The following OPN3 variants were observed in gnomAD, a reference collection of about 807,000 sequenced individuals.
OPN3 encodes the protein opsin-3.
OPN3 carries 29 observed loss-of-function variants against 33.8 expected under a neutral mutation model. The observed-to-expected ratio is 0.86, with a 90% CI of 0.64 to 1.17. The LOEUF is 1.17. OPN3 is among the 50% of genes most tolerant of loss of function. The pLI is 0.00. For synonymous variants in OPN3, 216 were observed against 216.1 expected, an observed-to-expected ratio of 1.00 and a Z score of 0.00; for missense variants, 437 against 514.1, an observed-to-expected ratio of 0.85 and a Z score of 1.45.
At chr1:241,627,593 A>G (rs574204177) in intron 1 of OPN3, among the ~76,000 whole-genome samples, 189 of 152,342 alleles carry the variant, frequency 1.2e-3, no homozygotes, top group African/African-American at 4.2e-3. Flanking sequence ...CTGTTGTCAT[A>G]TATTTTTGTT....
intron 1 of OPN3, among the ~76,000 whole-genome samples, chr1:241,607,556 GAAGGAAGA>G (rs755280193): frequency 1.9e-4 from 28 of 145,672 alleles, no homozygotes; most frequent in South Asian, 1.5e-3. Context: ...AGGAAGGAAG[GAAGGAAGA>G]AAGAAAGAAA....
At chr1:241,635,760 C>G in intron 1 of OPN3, 2 of 1,607,584 alleles carry the variant, frequency 1.2e-6, no homozygotes, top group Non-Finnish European at 1.7e-6. Flanking sequence ...GGAAGATTGT[C>G]CGCCATTTTA....
chr1:241,610,737 T>C lies in OPN3; in HGVS notation c.374-6158A>G, dbSNP rs533993363. 9.2e-5 allele frequency among the ~76,000 whole-genome samples: 14 copies of C among 152,326 alleles called. No homozygotes were observed. The South Asian group carries it at 2.9e-3, about 32-fold the overall frequency. On this transcript the variant is annotated intron_variant, in intron 1 of 3. Coordinates refer to ENST00000366554, the MANE Select transcript of OPN3 (RefSeq NM_014322.3). ...ATAAATTCAGTAATAGAGACATATG[T>C]TTGAGGCCAAAAGTCCTGTATTCAA...
At chr1:241,607,366 T>C (rs1028817466) in intron 1 of OPN3, among the ~76,000 whole-genome samples, 27 of 151,964 alleles carry the variant, frequency 1.8e-4, no homozygotes, top group Middle Eastern at 3.4e-3. Flanking sequence ...AATACAAAAA[T>C]TAGACAGGCA....
intron 1 of OPN3, chr1:241,634,537 T>C (rs769387506): frequency 6.8e-6 from 11 of 1,613,930 alleles, no homozygotes; most frequent in Non-Finnish European, 9.3e-6. Context: ...CTTTGTCGAC[T>C]ACAAAGCATT....
At chr1:241,626,306 G>T (rs1664417138) in intron 1 of OPN3, among the ~76,000 whole-genome samples, 1 of 152,156 alleles carries the variant, frequency 6.6e-6, no homozygotes, top group African/African-American at 2.4e-5. Flanking sequence ...CGTTGCGGGG[G>T]GGTACCTGTG....
intron 1 of OPN3, 57 bp downstream of exon 1, chr1:241,639,825 C>T: frequency 2.3e-6 from 3 of 1,333,260 alleles, no homozygotes; most frequent in Admixed American, 3.5e-5. Flanking sequence ...GAGCGGGCAG[C>T]GGGGTGGGGA....
At chr1:241,632,196 A>G (rs922501013) in intron 1 of OPN3, 6 of 152,354 alleles carry the variant, frequency 3.9e-5, no homozygotes, top group African/African-American at 1.2e-4. Context: ...CTTTTCACTT[A>G]GTTCTCATTC....
At chr1:241,616,405 C>T (rs952441020) in intron 1 of OPN3, among the ~76,000 whole-genome samples, 8 of 151,982 alleles carry the variant, frequency 5.3e-5, no homozygotes, top group African/African-American at 1.9e-4. Flanking sequence ...TCTCTTTCAC[C>T]ATTTATAACT....
intron 1 of OPN3, chr1:241,632,147 A>G (rs1470932025): frequency 1.3e-5 from 2 of 152,258 alleles, no homozygotes; most frequent in Middle Eastern, 3.4e-3. Flanking sequence ...ATGGTAGTAA[A>G]TAAGTCTCAC....
chr1:241,639,873 C>T lies in OPN3; in HGVS notation c.373+9G>A. ...AGAGGGGAGGCTGCCTTCTCCCAGTCCAACTCACCGAAGAGGCTGCCGCTA... is the reference window on the plus strand; with the variant it reads ...AGAGGGGAGGCTGCCTTCTCCCAGTTCAACTCACCGAAGAGGCTGCCGCTA... On this transcript the variant is annotated intron_variant, in intron 1 of 3. Transcript: ENST00000366554. 4 of 1,549,742 alleles carry T rather than the reference C, an allele frequency of 2.6e-6. No homozygotes were observed. The highest frequency in any genetic ancestry group is 3.5e-6 in the Non-Finnish European group (4 of 1,146,970).
chr1:241,625,685 G>A (rs1023345362), intron 1 of OPN3, among the ~76,000 whole-genome samples: 1 of 152,170 alleles, frequency 6.6e-6, no homozygotes, highest in African/African-American at 2.4e-5. Flanking sequence ...GGATCTATAT[G>A]GGAGCAGCAA....
At chr1:241,616,039 C>T in intron 1 of OPN3, 1 of 446,986 alleles carries the variant, frequency 2.2e-6, no homozygotes, top group Non-Finnish European at 4.5e-6. Context: ...TCCTGTCATG[C>T]CATGGGTTGT....
At chr1:241,598,548 G>C (rs999822179) in intron 2 of OPN3, among the ~76,000 whole-genome samples, 2 of 152,136 alleles carry the variant, frequency 1.3e-5, no homozygotes, top group Non-Finnish European at 2.9e-5. Flanking sequence ...AGAATTTCAG[G>C]AGAAATTTGT....
At chr1:241,610,636 T>C (rs1663964698) in intron 1 of OPN3, among the ~76,000 whole-genome samples, 1 of 152,224 alleles carries the variant, frequency 6.6e-6, no homozygotes, top group Non-Finnish European at 1.5e-5. Context: ...ACATACTGTG[T>C]GTCAGGCACT....
chr1:241,628,914 A>T (rs1331313112), intron 1 of OPN3: 2 of 152,620 alleles, frequency 1.3e-5, no homozygotes, highest in African/African-American at 4.8e-5. Flanking sequence ...ATTTAACAGA[A>T]GAAAAATAAA....
intron 1 of OPN3, among the ~76,000 whole-genome samples, chr1:241,627,664 C>G (rs1321386058): frequency 6.6e-6 from 1 of 152,176 alleles, no homozygotes; most frequent in Non-Finnish European, 1.5e-5. Context: ...TTACAGAAAG[C>G]TGGAAGTACT....
At chr1:241,595,792 A>C (rs1433037530) in intron 3 of OPN3, 2 of 152,214 alleles carry the variant, frequency 1.3e-5, no homozygotes, top group African/African-American at 2.4e-5. Context: ...TCTGATTCAA[A>C]AATTTAAAAA....
intron 1 of OPN3, chr1:241,635,765 A>G: frequency 6.2e-7 from 1 of 1,606,704 alleles, no homozygotes; most frequent in East Asian, 2.2e-5. Flanking sequence ...ATTGTCCGCC[A>G]TTTTAGGAAG....
Sources: allele counts gnomAD v4.1 joint callset (sites outside exome capture counted in the v4.1 genomes callset), GRCh38; gene constraint gnomAD v4.1.1; transcripts MANE v1.5; gene names NCBI Gene and HGNC (gene_info 2026-07-23, HGNC 2026-07-21).